PLXNA4: variants seen among roughly 807,000 people sequenced by gnomAD.
The protein encoded by PLXNA4 is plexin-A4.
Under a neutral mutation model 191.8 loss-of-function variants are expected in PLXNA4, and 44 were observed. The observed-to-expected ratio is 0.23, with a 90% CI of 0.18 to 0.29. The LOEUF (loss-of-function observed/expected upper bound fraction) is 0.29. PLXNA4 is among the 10% of genes least tolerant of loss of function. The pLI is 1.00. For synonymous variants in PLXNA4, 1,082 were observed against 1,009.5 expected (o/e 1.07, Z -1.36); for missense variants, 1,800 against 2,488.8 (o/e 0.72, Z 5.89).
chr7:132,278,354 G>A (rs1324035834), intron 4 of PLXNA4, among the ~76,000 whole-genome samples: 1 of 152,176 alleles, frequency 6.6e-6, no homozygotes, highest in African/African-American at 2.4e-5. Context: ...AGACTGGGAG[G>A]CAGACTCTTC....
intron 4 of PLXNA4, among the ~76,000 whole-genome samples, chr7:132,285,184 T>C (rs1178192432): frequency 1.3e-5 from 2 of 152,200 alleles, no homozygotes; most frequent in Non-Finnish European, 2.9e-5. Flanking sequence ...ACCCAGCCAA[T>C]GGGCACTAGG....
intron 3 of PLXNA4, among the ~76,000 whole-genome samples, chr7:132,488,258 C>T (rs987280022): frequency 7.2e-5 from 11 of 152,228 alleles, no homozygotes; most frequent in Admixed American, 7.2e-4. Context: ...GAAATGATTG[C>T]TGGGCTGTTA....
In PLXNA4 at chr7:132,159,609, G is replaced by T. The variant is rs61156312; in HGVS notation, c.4524C>A (p.Asp1508Glu). 1.2e-6 allele frequency: 2 copies of T among 1,614,126 alleles called. No homozygotes were observed. The highest frequency in any genetic ancestry group is 1.7e-6 in the Non-Finnish European group (2 of 1,180,024). ...KTLVLSCVSP[D>E]NANSPEVPVK... is the part of the protein sequence containing the mutation. Reference sequence around the variant, plus strand: ...CTGGGACCTCGGGGCTGTTGGCATTGTCTGGGCTGACACAGCTCAGGACCT... The same window carrying T: ...CTGGGACCTCGGGGCTGTTGGCATTTTCTGGGCTGACACAGCTCAGGACCT... The change falls in exon 25 of 32, where the codon GAC becomes GAA. Residue 1508 changes from aspartate to glutamate, a missense_variant. This residue lies in a region of PLXNA4 where 214 missense variants were observed against 298.2 expected (regional missense o/e 0.72). Coordinates refer to ENST00000321063, the MANE Select transcript of PLXNA4 (RefSeq NM_020911.2).
intron 29 of PLXNA4, among the ~76,000 whole-genome samples, chr7:132,144,695 T>C (rs1035448651): frequency 6.6e-6 from 1 of 152,182 alleles, no homozygotes; most frequent in African/African-American, 2.4e-5. Context: ...ACCAGCAGAC[T>C]TCCTTGCCTC....
chr7:132,624,152 C>T (rs1174719761), intron 2 of PLXNA4, among the ~76,000 whole-genome samples: 2 of 152,134 alleles, frequency 1.3e-5, no homozygotes, highest in Non-Finnish European at 2.9e-5. Flanking sequence ...ATGCTCAGTG[C>T]CACAAAGCTA....
intron 2 of PLXNA4, among the ~76,000 whole-genome samples, chr7:132,633,134 C>A (rs867182213): frequency 4.6e-5 from 7 of 151,762 alleles, no homozygotes; most frequent in African/African-American, 1.7e-4. Context: ...GGGAGGTGGG[C>A]GAAGAGATGG....
At chr7:132,151,298 AAGG>A (rs1491294408) in intron 25 of PLXNA4, among the ~76,000 whole-genome samples, 2 of 31,638 alleles carry the variant, frequency 6.3e-5, no homozygotes, top group African/African-American at 1.7e-4. Flanking sequence ...GAGGAAGAAG[AAGG>A]AGGAGGAAGA....
Position 132,159,702 on chromosome 7 carries a change from C to G in PLXNA4, c.4501-70G>C, listed in dbSNP as rs1184917716. 1.9e-6 allele frequency: 3 copies of G among 1,588,842 alleles called. No homozygotes were observed. The East Asian group carries it at 6.7e-5, about 36-fold the overall frequency. On this transcript the variant is annotated intron_variant, in intron 24 of 31. Transcript: ENST00000321063. ...GGAAAAGCTCCTAGATCCCCAGCAG[C>G]ACCCTGGGATTCCGTCCTGAATGGC...
At chr7:132,229,089 G>A (rs1798435138) in intron 5 of PLXNA4, among the ~76,000 whole-genome samples, 1 of 152,128 alleles carries the variant, frequency 6.6e-6, no homozygotes, top group African/African-American at 2.4e-5. Flanking sequence ...GTCCTCTCCT[G>A]CCAAGTAGGA....
At chr7:132,134,765 T>C (rs1795065143) in intron 30 of PLXNA4, among the ~76,000 whole-genome samples, 1 of 152,092 alleles carries the variant, frequency 6.6e-6, no homozygotes, top group Admixed American at 6.6e-5. Flanking sequence ...CCTGCCCCCG[T>C]CTCATTTGTA....
intron 4 of PLXNA4, among the ~76,000 whole-genome samples, chr7:132,269,543 GCA>G (rs2116316814): frequency 6.6e-6 from 1 of 152,262 alleles, no homozygotes; most frequent in Admixed American, 6.5e-5. Flanking sequence ...GACAGGTTAG[GCA>G]TGTCTGAAAG....
intron 2 of PLXNA4, among the ~76,000 whole-genome samples, chr7:132,614,098 G>A (rs1803105816): frequency 6.6e-6 from 1 of 152,150 alleles, no homozygotes; most frequent in Non-Finnish European, 1.5e-5. Context: ...TGTAATGTGA[G>A]TCACATTTTT....
chr7:132,310,237 C>T (rs1480574665), intron 3 of PLXNA4, among the ~76,000 whole-genome samples: 8 of 152,242 alleles, frequency 5.3e-5, no homozygotes, highest in African/African-American at 1.9e-4. Flanking sequence ...TTGTGAAATG[C>T]TCTCAGTTCA....
intron 1 of PLXNA4, among the ~76,000 whole-genome samples, chr7:132,564,867 G>A (rs1801645315): frequency 2.6e-5 from 4 of 152,138 alleles, no homozygotes; most frequent in African/African-American, 9.6e-5. Flanking sequence ...CAGGCCTCTG[G>A]ACTCCTGCAC....
rs148941034 is a variant in PLXNA4 at position 132,165,452 on chromosome 7, T to C, written c.4287-252A>G. Among the ~76,000 whole-genome samples the C allele has an allele frequency of 1.0e-2, 1,522 of 152,304 alleles. 30 individuals are homozygous for C. The highest frequency in any genetic ancestry group is 0.035 in the African/African-American group (1,444 of 41,562). ...GGGCAGCAGGCTGTGGGTGGGATTT[T>C]GGCTGGAACGCCTTAGAGCACCGCT... is the stretch of plus-strand genomic sequence containing the variant. On this transcript the variant is annotated intron_variant, in intron 22 of 31. Transcript: ENST00000321063.
At position 132,163,452 on chromosome 7, in the gene PLXNA4, CAG is replaced by C. The variant is rs375141177; in HGVS notation, c.4500+688_4500+689del. Among the ~76,000 whole-genome samples the C allele has an allele frequency of 1.7e-3, 265 of 152,324 alleles. 1 individual carries two copies. Among genetic ancestry groups the C allele is most frequent in the African/African-American group, 5.9e-3 (244 of 41,578 alleles). ...TTTTTCAGATAAAGAGACCCAAATT[CAG>C]AGAGATTAGGAACCTGCCCCAATTC... On this transcript the variant is annotated intron_variant, in intron 24 of 31. Transcript: ENST00000321063.
chr7:132,562,019 CTCCTCCTCCTTCTCCTCCTCT>C (rs1338321433), intron 1 of PLXNA4, among the ~76,000 whole-genome samples: 9 of 107,168 alleles, frequency 8.4e-5, no homozygotes, highest in Non-Finnish European at 2.0e-4. Flanking sequence ...CCTACTCCTC[CTCCTCCTCCTTCTCCTCCTCT>C]TCCTCCTCCT....
At chr7:132,434,958 G>A (rs1376935750) in intron 3 of PLXNA4, among the ~76,000 whole-genome samples, 2 of 152,136 alleles carry the variant, frequency 1.3e-5, no homozygotes, top group African/African-American at 2.4e-5. Context: ...CTGCTCTGGG[G>A]CCACCCTGGG....
intron 5 of PLXNA4, among the ~76,000 whole-genome samples, chr7:132,233,924 C>T (rs1170967948): frequency 6.6e-6 from 1 of 151,906 alleles, no homozygotes; most frequent in Non-Finnish European, 1.5e-5. Context: ...TGATCCCAAA[C>T]CAAACCAAAT....
Sources: allele counts gnomAD v4.1 joint callset (sites outside exome capture counted in the v4.1 genomes callset), GRCh38; gene constraint gnomAD v4.1.1; regional missense constraint gnomAD v4.1.1; transcripts MANE v1.5; gene names NCBI Gene and HGNC (gene_info 2026-07-23, HGNC 2026-07-21).